Variants in ARHGAP31 observed in about 807,000 individuals in gnomAD.
ARHGAP31 encodes Rho GTPase activating protein 31.
In ARHGAP31, 34 loss-of-function variants were observed where a neutral mutation model predicts 113.9. The ratio of observed to expected loss-of-function variants is 0.30; its 90% CI spans 0.23 to 0.40. ARHGAP31 has a LOEUF of 0.40. Ranked by LOEUF, ARHGAP31 falls within the 10% of genes least tolerant of loss-of-function variation. The pLI, the probability that ARHGAP31 is intolerant of heterozygous loss-of-function variation, is 1.00. For missense variants in ARHGAP31, 1,548 were observed against 1,767.1 expected, an observed-to-expected ratio of 0.88 and a Z score of 2.22; for synonymous variants, 650 against 684.8, an observed-to-expected ratio of 0.95 and a Z score of 0.79.
At chr3:119,363,161 T>A (rs886343442) in intron 1 of ARHGAP31, among the ~76,000 whole-genome samples, 5 of 152,096 alleles carry the variant, frequency 3.3e-5, no homozygotes, top group Non-Finnish European at 7.4e-5. Context: ...AACAGTGAGG[T>A]GTGGTGGGGA....
At chr3:119,324,963 G>A in intron 1 of ARHGAP31, 1 of 456,690 alleles carries the variant, frequency 2.2e-6, no homozygotes, top group Non-Finnish European at 4.4e-6. Flanking sequence ...ATTTGGGTAA[G>A]CAATAAGCAG....
chr3:119,409,666 C>T lies in ARHGAP31; in HGVS notation c.1816C>T (p.Pro606Ser), dbSNP rs761842666. Residue 606 changes from proline to serine, a missense_variant, in exon 11 of 12, where the codon CCA becomes TCA. By Grantham distance (74) the Pro-to-Ser change is moderately conservative. Transcript: ENST00000264245. ...SQHLNELEKR[P>S]NPEKVVEEGR... ...ACATTTAAATGAATTAGAGAAGAGG[C>T]CAAATCCGGAGAAGGTGGTGGAGGA... 1.2e-6 allele frequency: 2 copies of T among 1,611,774 alleles called. No individual in the cohort carries two copies. Among genetic ancestry groups the T allele is most frequent in the Non-Finnish European group, 1.7e-6 (2 of 1,178,896 alleles).
chr3:119,350,910 A>G (rs546417220), intron 1 of ARHGAP31, among the ~76,000 whole-genome samples: 6 of 152,244 alleles, frequency 3.9e-5, no homozygotes, highest in Non-Finnish European at 7.3e-5. Flanking sequence ...GGACCTGAAC[A>G]CTGGCAGATA....
chr3:119,406,835 G>C (rs2080667177), intron 10 of ARHGAP31, among the ~76,000 whole-genome samples: 1 of 152,198 alleles, frequency 6.6e-6, no homozygotes, highest in Non-Finnish European at 1.5e-5. Flanking sequence ...ATTGTTGTAA[G>C]ACACATTCTA....
Position 119,414,962 on chromosome 3 carries a change from T to A in ARHGAP31, c.3033T>A (p.Ser1011=), listed in dbSNP as rs773748700. 3 of 1,614,088 alleles carry A rather than the reference T, an allele frequency of 1.9e-6. No individual in the cohort carries two copies. The Admixed American group carries it at 5.0e-5, about 27-fold the overall frequency. Residue 1011 remains serine, a synonymous_variant, in exon 12 of 12, where the codon TCT becomes TCA. Coordinates refer to ENST00000264245, the MANE Select transcript of ARHGAP31 (RefSeq NM_020754.4). ...EKALRSFREF[S]GLKGAEAPPN... is the part of the protein sequence containing the mutation. ...CCCTGAGGTCCTTCAGAGAGTTCTC[T>A]GGCCTGAAAGGGGCAGAGGCTCCTC... is the stretch of plus-strand genomic sequence containing the variant.
At chr3:119,301,924 G>A (rs2079587990) in intron 1 of ARHGAP31, among the ~76,000 whole-genome samples, 1 of 152,160 alleles carries the variant, frequency 6.6e-6, no homozygotes, top group African/African-American at 2.4e-5. Context: ...TCCCACCCTG[G>A]CGTCTGCATC....
At chr3:119,382,227 TC>T in intron 4 of ARHGAP31, 64 bp from the exon 5 acceptor site, 2 of 1,383,654 alleles carry the variant, frequency 1.4e-6, no homozygotes, top group Non-Finnish European at 2.1e-6. Flanking sequence ...AGAAATTATC[TC>T]CATATGTCAG....
chr3:119,414,278 T>G lies in ARHGAP31; in HGVS notation c.2349T>G (p.Pro783=). The G allele has an allele frequency of 6.2e-7, 1 of 1,614,198 alleles. No homozygotes were observed. Among genetic ancestry groups the G allele is most frequent in the Non-Finnish European group, 8.5e-7 (1 of 1,180,022 alleles). Residue 783 remains proline, a synonymous_variant, in exon 12 of 12, where the codon CCT becomes CCG. Transcript: ENST00000264245. ...GCAATCTGTCTCCTCCACTCCCACC[T>G]GCTCCTCCCCCTCCAACTCCTCTGG... ...GPGNLSPPLP[P]APPPPTPLEE...
intron 1 of ARHGAP31, among the ~76,000 whole-genome samples, chr3:119,306,277 G>A (rs917593369): frequency 2.6e-5 from 4 of 152,088 alleles, no homozygotes; most frequent in African/African-American, 4.8e-5. Flanking sequence ...AAATGGGGCC[G>A]GGTGTGGTGG....
At position 119,414,472 on chromosome 3, in the gene ARHGAP31, A is replaced by G; in HGVS notation, c.2543A>G (p.Asn848Ser). 1 of 1,614,246 alleles carries G rather than the reference A, an allele frequency of 6.2e-7. No homozygotes were observed. Among genetic ancestry groups the G allele is most frequent in the Non-Finnish European group, 8.5e-7 (1 of 1,180,034 alleles). ...EATPRHSDKQ[N>S]SKNAASEGKG... The stretch of plus-strand genomic sequence containing the variant: ...ACCCCAAGACACAGTGACAAGCAAA[A>G]TTCAAAGAATGCTGCTTCTGAGGGG... Residue 848 changes from asparagine to serine, a missense_variant, in exon 12 of 12, where the codon AAT becomes AGT. Physicochemically the swap from Asn to Ser is conservative, Grantham distance 46. Transcript: ENST00000264245.
At position 119,294,797 on chromosome 3, in the gene ARHGAP31, C is replaced by T; in HGVS notation, c.-108C>T. ...AAGTTCTTCCATCTTCCGATGCGGC[C>T]CCCCAGAGCCGCGGGGCAGCCGGTG... On this transcript the variant is annotated 5_prime_UTR_variant, in exon 1 of 12. Transcript: ENST00000264245. 3 of 1,055,204 alleles carry T rather than the reference C, an allele frequency of 2.8e-6. No homozygotes were observed. The highest frequency in any genetic ancestry group is 2.9e-6 in the Non-Finnish European group (2 of 681,520). 65.4% of individuals were successfully genotyped at this position (1,055,204 alleles called of 1,614,324 possible).
intron 1 of ARHGAP31, among the ~76,000 whole-genome samples, chr3:119,315,909 T>C (rs7650193): frequency 0.73 from 111,617 of 152,196 alleles, 42,017 homozygotes; most frequent in African/African-American, 0.91. Context: ...GACAGCACAT[T>C]ACAGAGTACT....
chr3:119,368,445 T>C lies in ARHGAP31; in HGVS notation c.277T>C (p.Ser93Pro), dbSNP rs527321353. The C allele has an allele frequency of 6.2e-7, 1 of 1,614,158 alleles. No individual in the cohort carries two copies. Among genetic ancestry groups the C allele is most frequent in the South Asian group, 1.1e-5 (1 of 91,090 alleles). The part of the protein sequence containing the change: ...VYLQDIHCVG[S>P]LCKLYFRELP... ...CCTCCAGGACATCCACTGTGTGGGC[T>C]CGCTTTGCAAGCTCTACTTTAGGGA... Residue 93 changes from serine to proline, a missense_variant, in exon 3 of 12, where the codon TCG becomes CCG. Coordinates refer to ENST00000264245, the MANE Select transcript of ARHGAP31 (RefSeq NM_020754.4).
intron 7 of ARHGAP31, 42 bp downstream of exon 7, chr3:119,391,025 TGAAGAGGAAA>T (rs764561150): frequency 2.1e-5 from 34 of 1,601,094 alleles, no homozygotes; most frequent in Non-Finnish European, 2.8e-5. Flanking sequence ...GATGTGTGGT[TGAAGAGGAAA>T]GAGGAGGAGA....
At chr3:119,380,222 T>C (rs1353734238) in intron 3 of ARHGAP31, among the ~76,000 whole-genome samples, 1 of 152,160 alleles carries the variant, frequency 6.6e-6, no homozygotes, top group Non-Finnish European at 1.5e-5. Flanking sequence ...CCCTGCTTCC[T>C]GGCTTCTAGG....
At chr3:119,303,778 T>C (rs184739330) in intron 1 of ARHGAP31, among the ~76,000 whole-genome samples, 1 of 135,800 alleles carries the variant, frequency 7.4e-6, no homozygotes, top group African/African-American at 3.3e-5. Context: ...CCAGCTCTTT[T>C]CATGTTTTTT....
At chr3:119,295,962 T>C (rs971936585) in intron 1 of ARHGAP31, among the ~76,000 whole-genome samples, 3 of 152,208 alleles carry the variant, frequency 2.0e-5, no homozygotes, top group African/African-American at 7.2e-5. Context: ...AAAGGCCTTG[T>C]CTTCAGAAGC....
chr3:119,366,491 T>A (rs2080253194), intron 2 of ARHGAP31, among the ~76,000 whole-genome samples: 1 of 152,186 alleles, frequency 6.6e-6, no homozygotes, highest in Non-Finnish European at 1.5e-5. Context: ...AGCCATAGAT[T>A]TTAATGAATC....
Position 119,356,795 on chromosome 3 carries a change from T to G in ARHGAP31, c.101-8521T>G, listed in dbSNP as rs77198422. Among the ~76,000 whole-genome samples, 305 of 152,342 alleles carry G rather than the reference T, an allele frequency of 2.0e-3. 3 individuals carry two copies. The highest frequency in any genetic ancestry group is 7.0e-3 in the African/African-American group (290 of 41,582). ...CACTATGTGAATCTTCCATTATTTA[T>G]GTTAGCAACCTGCTGTTGATGACAA... is the stretch of plus-strand genomic sequence containing the variant. On this transcript the variant is annotated intron_variant, in intron 1 of 11. Coordinates refer to ENST00000264245, the MANE Select transcript of ARHGAP31 (RefSeq NM_020754.4).
Sources: gnomAD v4.1 joint callset for allele counts (sites outside exome capture counted in the v4.1 genomes callset) on GRCh38, gnomAD v4.1.1 for gene constraint, MANE v1.5 for transcripts, NCBI Gene and HGNC (gene_info 2026-07-23, HGNC 2026-07-21) for gene names.